TMEM128: variants seen among roughly 807,000 people sequenced by gnomAD.
The protein encoded by TMEM128 is transmembrane protein 128.
Under a neutral mutation model 19.7 loss-of-function variants are expected in TMEM128, and 16 were observed. The observed-to-expected ratio is 0.81, with a 90% CI of 0.55 to 1.23. The LOEUF (loss-of-function observed/expected upper bound fraction) is 1.23. TMEM128 is among the 50% of genes most tolerant of loss of function. The pLI is 0.00. For synonymous variants in TMEM128, 98 were observed against 75.8 expected (o/e 1.29, Z -1.52); for missense variants, 237 against 200.8 (o/e 1.18, Z -1.09).
chr4:4,237,976 G>T lies in TMEM128; in HGVS notation c.399-41C>A, dbSNP rs1253725149. ...CATAAACAGTTGACAACTCCAATAT[G>T]CATCAATATATTTTATTCTAGAATC... On this transcript the variant is annotated intron_variant, in intron 3 of 4. Coordinates refer to ENST00000382753, the MANE Select transcript of TMEM128 (RefSeq NM_001297551.2). The T allele has an allele frequency of 4.1e-6, 5 of 1,233,356 alleles. No homozygotes were observed. In the African/African-American group the frequency reaches 4.6e-5, roughly 11 times the overall value. The allele number at this position is 1,233,356 out of a possible 1,614,324, so 76.4% of individuals were successfully genotyped here.
rs550509999 is a variant in TMEM128 at position 4,237,370 on chromosome 4, GT to G, written c.*9+456del. ...CTTTATGAGGTCTTTGAAAGGCAGG[GT>G]ACCTTCTCTAAAAAGTAGTCACTTA... On this transcript the variant is annotated intron_variant, in intron 4 of 4. Coordinates refer to ENST00000382753, the MANE Select transcript of TMEM128 (RefSeq NM_001297551.2). 1.6e-3 allele frequency among the ~76,000 whole-genome samples: 247 copies of G among 152,196 alleles called. 4 individuals carry two copies. Among genetic ancestry groups the G allele is most frequent in the Admixed American group, 0.015 (226 of 15,284 alleles).
rs1717700835 is a variant in TMEM128 at position 4,235,881 on chromosome 4, C to G, written c.*385G>C. 6.6e-6 allele frequency: 1 copy of G among 152,576 alleles called. No homozygotes were observed. Among genetic ancestry groups the G allele is most frequent in the Non-Finnish European group, 1.5e-5 (1 of 68,034 alleles). 9.5% of individuals were successfully genotyped at this position (152,576 alleles called of 1,614,324 possible). ...AGTGCACTATGTACCTACAATGAAA[C>G]CACTTTCTCCAAAGACTCAAACAGA... On this transcript the variant is annotated 3_prime_UTR_variant, in exon 5 of 5. Coordinates refer to ENST00000382753, the MANE Select transcript of TMEM128 (RefSeq NM_001297551.2).
At chr4:4,242,828 T>G (rs1001234359) in intron 2 of TMEM128, among the ~76,000 whole-genome samples, 7 of 152,072 alleles carry the variant, frequency 4.6e-5, no homozygotes, top group African/African-American at 1.7e-4. Context: ...CTAAGAAAAT[T>G]TTTTAAACTG....
rs762954025 is a variant in TMEM128, at chr4:4,240,356, G to A, written c.363C>T (p.Pro121=). ...EYDVKYPALI[P]ITTASFIAAG... is the part of the protein sequence containing the mutation. ...CTGCAATAAAGGAGGCAGTGGTAAT[G>A]GGTATCAAGGCTGGATACTTGACAT... Residue 121 remains proline, a synonymous_variant, in exon 3 of 5, where the codon CCC becomes CCT. Transcript: ENST00000382753. 7 of 1,613,964 alleles carry A rather than the reference G, an allele frequency of 4.3e-6. No homozygotes were observed. In the African/African-American group the frequency reaches 8.0e-5, roughly 18 times the overall value.
At chr4:4,245,195 T>C (rs1351244280) in intron 2 of TMEM128, among the ~76,000 whole-genome samples, 1 of 152,158 alleles carries the variant, frequency 6.6e-6, no homozygotes, top group Non-Finnish European at 1.5e-5. Flanking sequence ...TTCCATTTCT[T>C]ATCCAAGGGT....
At chr4:4,245,883 C>T (rs569773263) in intron 2 of TMEM128, among the ~76,000 whole-genome samples, 62 of 152,206 alleles carry the variant, frequency 4.1e-4, no homozygotes, top group Non-Finnish European at 7.1e-4. Flanking sequence ...ACACTCATCA[C>T]CTCACATAGT....
rs143894747 is a variant in TMEM128 at position 4,237,934 on chromosome 4, A to G, written c.400T>C (p.Phe134Leu). 1 of 1,552,414 alleles carries G rather than the reference A, an allele frequency of 6.4e-7. No homozygotes were observed. Among genetic ancestry groups the G allele is most frequent in the South Asian group, 1.2e-5 (1 of 83,766 alleles). ...CACACATGCCATAAAGCAATGTTGAAGCTGAAAAGAACAAGACATAAACAG... is the reference window on the plus strand; with the variant it reads ...CACACATGCCATAAAGCAATGTTGAGGCTGAAAAGAACAAGACATAAACAG... ...TASFIAAGIC[F>L]NIALWHVWSF... The change falls in exon 4 of 5, where the codon TTC becomes CTC. Residue 134 changes from phenylalanine to leucine, a missense_variant and splice_region_variant. Phe to Leu is a conservative substitution (Grantham distance 22). Transcript: ENST00000382753.
intron 1 of TMEM128, among the ~76,000 whole-genome samples, chr4:4,247,053 C>T (rs1001028301): frequency 1.3e-5 from 2 of 152,140 alleles, no homozygotes; most frequent in African/African-American, 4.8e-5. Flanking sequence ...CGTGAGCTAC[C>T]CTGCCCAGCC....
At chr4:4,247,888 C>A in intron 1 of TMEM128, 1 of 1,430,956 alleles carries the variant, frequency 7.0e-7, no homozygotes, top group Non-Finnish European at 9.1e-7. Context: ...ATCGCTATTT[C>A]CAAATAGGTG....
intron 2 of TMEM128, among the ~76,000 whole-genome samples, chr4:4,242,581 C>T (rs913075746): frequency 2.6e-5 from 4 of 151,806 alleles, no homozygotes; most frequent in South Asian, 4.2e-4. Context: ...TGCAATGGCA[C>T]GATCTCGGCT....
chr4:4,237,019 T>C, intron 4 of TMEM128: 2 of 448,636 alleles, frequency 4.5e-6, no homozygotes, highest in South Asian at 1.6e-5. Context: ...AACAGAGTTA[T>C]CCGACACTCA....
chr4:4,242,861 C>G (rs745370757), intron 2 of TMEM128, among the ~76,000 whole-genome samples: 12 of 151,994 alleles, frequency 7.9e-5, no homozygotes, highest in Non-Finnish European at 7.4e-5. Context: ...ATAATACTAT[C>G]AGTCAGTGGT....
intron 1 of TMEM128, 139 bp from the exon 2 acceptor site, chr4:4,246,482 A>G: frequency 1.2e-6 from 1 of 824,164 alleles, no homozygotes; most frequent in Non-Finnish European, 1.8e-6. Context: ...AAAACCCTTG[A>G]GATAGGTTTA....
Position 4,240,498 on chromosome 4 carries a change from T to C in TMEM128, c.240-19A>G. The C allele has an allele frequency of 1.2e-6, 2 of 1,607,354 alleles. No homozygotes were observed. The highest frequency in any genetic ancestry group is 1.7e-6 in the Non-Finnish European group (2 of 1,176,688). On this transcript the variant is annotated intron_variant, in intron 2 of 4. Transcript: ENST00000382753. ...AAACCAGCTGTGGAGATAAAAACAG[T>C]AAGAGGTCTGACAGCACTTAATGAA...
chr4:4,246,141 C>A, intron 2 of TMEM128, 61 bp downstream of exon 2: 2 of 1,532,294 alleles, frequency 1.3e-6, no homozygotes, highest in Non-Finnish European at 1.8e-6. Flanking sequence ...ATTCAACTAA[C>A]AAAATATAAC....
chr4:4,246,422 A>G, intron 1 of TMEM128, 79 bp from the exon 2 acceptor site: 1 of 1,410,036 alleles, frequency 7.1e-7, no homozygotes, highest in Non-Finnish European at 9.7e-7. Flanking sequence ...AAATAAAATC[A>G]TTTCCTAGAG....
intron 2 of TMEM128, among the ~76,000 whole-genome samples, chr4:4,244,284 T>C (rs3856967): frequency 0.31 from 46,887 of 151,830 alleles, 7,843 homozygotes; most frequent in East Asian, 0.46. Context: ...GAGACCAGCC[T>C]GGGCAACATG....
At chr4:4,238,126 A>G (rs1273906111) in intron 3 of TMEM128, among the ~76,000 whole-genome samples, 191 bp from the exon 4 acceptor site, 1 of 152,236 alleles carries the variant, frequency 6.6e-6, no homozygotes, top group Non-Finnish European at 1.5e-5. Flanking sequence ...TTAAACAAGT[A>G]TCACAATTTC....
In TMEM128 at chr4:4,237,867, C is replaced by A; in HGVS notation, c.467G>T (p.Gly156Val). 6.2e-7 allele frequency: 1 copy of A among 1,611,746 alleles called. No homozygotes were observed. The highest frequency in any genetic ancestry group is 8.5e-7 in the Non-Finnish European group (1 of 1,178,492). ...AAGGAGTGTGATAAACATGACAACC[C>A]CCATAAACTGGGTAAACAACAACAA... ...TPLLLFTQFM[G>V]VVMFITLLG is the part of the protein sequence containing the mutation. The change falls in exon 4 of 5, where the codon GGG becomes GTG. Residue 156 changes from glycine (G) to valine (V), a missense_variant. Transcript: ENST00000382753.
Sources: allele counts gnomAD v4.1 joint callset (sites outside exome capture counted in the v4.1 genomes callset), GRCh38; gene constraint gnomAD v4.1.1; transcripts MANE v1.5; gene names NCBI Gene and HGNC (gene_info 2026-07-23, HGNC 2026-07-21).